ATXN1: variants seen among roughly 807,000 people sequenced by gnomAD.
ATXN1 encodes the protein ataxin-1.
Under a neutral mutation model 56.4 loss-of-function variants are expected in ATXN1, and 8 were observed. That is an observed-to-expected ratio of 0.14 (90% CI 0.08 to 0.26). ATXN1 has a LOEUF of 0.26. ATXN1 is among the 10% of genes least tolerant of loss of function. The pLI, the probability that ATXN1 is intolerant of heterozygous loss-of-function variation, is 1.00. For synonymous variants in ATXN1, 514 were observed against 494.6 expected (o/e 1.04, Z -0.52); for missense variants, 987 against 1,106.5 (o/e 0.89, Z 1.53).
At chr6:16,531,810 T>C (rs767254733) in intron 4 of ATXN1, among the ~76,000 whole-genome samples, 5 of 152,200 alleles carry the variant, frequency 3.3e-5, no homozygotes, top group Non-Finnish European at 5.9e-5. Flanking sequence ...CAGGGGTCTA[T>C]CTTATTCAGT....
intron 4 of ATXN1, among the ~76,000 whole-genome samples, chr6:16,558,432 T>C (rs1762056013): frequency 1.3e-5 from 2 of 152,178 alleles, no homozygotes; most frequent in Non-Finnish European, 2.9e-5. Context: ...TGGAGTGTAG[T>C]AGCACGACCA....
chr6:16,568,584 G>C (rs1463139440), intron 4 of ATXN1, among the ~76,000 whole-genome samples: 1 of 152,122 alleles, frequency 6.6e-6, no homozygotes, highest in African/African-American at 2.4e-5. Context: ...CATGAGCAGG[G>C]GACAGGAGGT....
chr6:16,585,580 T>C (rs1762607169), intron 4 of ATXN1, among the ~76,000 whole-genome samples, 200 bp downstream of exon 4: 1 of 152,152 alleles, frequency 6.6e-6, no homozygotes, highest in Non-Finnish European at 1.5e-5. Flanking sequence ...AAGTAGAAGT[T>C]ATTTCCTTTC....
rs527979482 is a variant in ATXN1 at position 16,744,974 on chromosome 6, A to G, written c.-615+8259T>C. Among the ~76,000 whole-genome samples the G allele has an allele frequency of 1.5e-3, 230 of 152,362 alleles. 1 individual carries two copies. Among genetic ancestry groups the G allele is most frequent in the African/African-American group, 5.4e-3 (225 of 41,600 alleles). ...AATATCTAGAACATATAAAGAGCTC[A>G]TATACATAGATTAGAAAACATCAAG... On this transcript the variant is annotated intron_variant, in intron 2 of 7. Transcript: ENST00000436367.
chr6:16,634,675 T>C (rs1199657712), intron 3 of ATXN1, among the ~76,000 whole-genome samples: 2 of 152,220 alleles, frequency 1.3e-5, no homozygotes, highest in Non-Finnish European at 2.9e-5. Flanking sequence ...AATTGAAGTA[T>C]GTGGTCTCTC....
chr6:16,754,569 G>A (rs1760830500), intron 1 of ATXN1: 1 of 152,174 alleles, frequency 6.6e-6, no homozygotes, highest in Non-Finnish European at 1.5e-5. Context: ...CAGCCCAGCT[G>A]GAAAGGAAAA....
intron 6 of ATXN1, among the ~76,000 whole-genome samples, chr6:16,419,310 T>A (rs1302512987): frequency 2.0e-5 from 3 of 152,208 alleles, no homozygotes; most frequent in Non-Finnish European, 2.9e-5. Context: ...TGGCACATAA[T>A]ACATGTTCAA....
chr6:16,692,750 G>A (rs758854065), intron 2 of ATXN1, among the ~76,000 whole-genome samples: 1 of 152,084 alleles, frequency 6.6e-6, no homozygotes, highest in Non-Finnish European at 1.5e-5. Flanking sequence ...TGTTCTTACA[G>A]GTACATTCCA....
chr6:16,303,460 G>C lies in ATXN1; in HGVS notation c.*2869C>G, dbSNP rs1760163029. 1 of 152,748 alleles carries C rather than the reference G, an allele frequency of 6.5e-6. No homozygotes were observed. The highest frequency in any genetic ancestry group is 6.5e-5 in the Admixed American group (1 of 15,278). 9.5% of individuals were successfully genotyped at this position (152,748 alleles called of 1,614,324 possible). ...CTCCAGCCCTGCTCTGGCCAGAATG[G>C]GGAAGATCAACCAAACAAGGAAAAA... On this transcript the variant is annotated 3_prime_UTR_variant, in exon 8 of 8. Transcript: ENST00000436367. The surrounding 1 kb of genome is among the most constrained non-coding windows in gnomAD (Gnocchi z 4.3).
chr6:16,594,968 T>C lies in ATXN1; in HGVS notation c.-488-9061A>G, dbSNP rs115029812. Among the ~76,000 whole-genome samples, 480 of 152,320 alleles carry C rather than the reference T, an allele frequency of 3.2e-3. 3 individuals carry two copies. Among genetic ancestry groups the C allele is most frequent in the African/African-American group, 0.011 (450 of 41,564 alleles). On this transcript the variant is annotated intron_variant, in intron 3 of 7. Transcript: ENST00000436367. ...TTAGATTGGACTGAGGGTTAATAATTTGAAGACTCCCCATGACCTTCTTTC... is the reference window on the plus strand; with the variant it reads ...TTAGATTGGACTGAGGGTTAATAATCTGAAGACTCCCCATGACCTTCTTTC...
At chr6:16,659,832 A>G (rs1758281021) in intron 2 of ATXN1, among the ~76,000 whole-genome samples, 1 of 152,346 alleles carries the variant, frequency 6.6e-6, no homozygotes, top group Non-Finnish European at 1.5e-5. Context: ...ACTATCTTGC[A>G]GCAAAATCGA....
chr6:16,406,791 C>T (rs1312137294), intron 6 of ATXN1, among the ~76,000 whole-genome samples: 1 of 152,148 alleles, frequency 6.6e-6, no homozygotes, highest in African/African-American at 2.4e-5. Flanking sequence ...TCTGCTTTTG[C>T]TGCTTTTAAA....
chr6:16,706,990 T>C (rs545296326), intron 2 of ATXN1, among the ~76,000 whole-genome samples: 107 of 152,286 alleles, frequency 7.0e-4, no homozygotes, highest in Non-Finnish European at 1.5e-3. Flanking sequence ...GATATACAAT[T>C]TTCTGTCACC....
chr6:16,500,487 T>A (rs1334741328), intron 5 of ATXN1, among the ~76,000 whole-genome samples: 1 of 152,178 alleles, frequency 6.6e-6, no homozygotes, highest in Non-Finnish European at 1.5e-5. Context: ...AACAACTCGC[T>A]GAAGAGAATA....
intron 4 of ATXN1, among the ~76,000 whole-genome samples, chr6:16,577,707 T>C (rs563974729): frequency 2.0e-5 from 3 of 152,254 alleles, no homozygotes; most frequent in African/African-American, 4.8e-5. Flanking sequence ...TTTTATACAA[T>C]AGATTTTGCC....
intron 6 of ATXN1, among the ~76,000 whole-genome samples, chr6:16,405,894 G>C (rs964165019): frequency 3.9e-5 from 6 of 152,080 alleles, no homozygotes; most frequent in Non-Finnish European, 7.4e-5. Context: ...GCTGGAACGG[G>C]GGCTGGGAAG....
At chr6:16,587,381 C>A (rs1762644220) in intron 3 of ATXN1, among the ~76,000 whole-genome samples, 1 of 152,130 alleles carries the variant, frequency 6.6e-6, no homozygotes, top group African/African-American at 2.4e-5. Flanking sequence ...TCTAATACAG[C>A]CATGTCTTAA....
At chr6:16,569,632 C>T (rs1350792548) in intron 4 of ATXN1, among the ~76,000 whole-genome samples, 1 of 151,302 alleles carries the variant, frequency 6.6e-6, no homozygotes, top group African/African-American at 2.4e-5. Flanking sequence ...ATGGCCAAAT[C>T]TCGGGTGGGG....
intron 6 of ATXN1, among the ~76,000 whole-genome samples, chr6:16,345,687 C>T (rs1761366159): frequency 6.6e-6 from 1 of 152,148 alleles, no homozygotes; most frequent in Admixed American, 6.5e-5. Flanking sequence ...AATGAGGCTG[C>T]AGTGTAGTGG....
Sources: allele counts gnomAD v4.1 joint callset (sites outside exome capture counted in the v4.1 genomes callset), GRCh38; gene constraint gnomAD v4.1.1; non-coding constraint Gnocchi (gnomAD v3.1); transcripts MANE v1.5; gene names NCBI Gene and HGNC (gene_info 2026-07-23, HGNC 2026-07-21).